COP1: variants seen among roughly 807,000 people sequenced by gnomAD.
COP1 encodes the protein COP1 E3 ubiquitin ligase.
A neutral mutation model predicts 101.3 loss-of-function variants in COP1; 24 were observed. That is an observed-to-expected ratio of 0.24 (90% CI 0.17 to 0.33). The LOEUF is 0.33. Ranked by LOEUF, COP1 falls within the 10% of genes least tolerant of loss-of-function variation. The probability of loss-of-function intolerance (pLI) is 1.00; values close to 1 mark genes in which losing one functional copy is unlikely to be tolerated. For synonymous variants in COP1, 347 were observed against 341.9 expected (o/e 1.01, Z -0.17); for missense variants, 663 against 906.2 (o/e 0.73, Z 3.45).
At chr1:176,065,854 C>T (rs776089328) in intron 11 of COP1, among the ~76,000 whole-genome samples, 4 of 151,896 alleles carry the variant, frequency 2.6e-5, no homozygotes, top group African/African-American at 4.8e-5. Flanking sequence ...ATTACAGGTG[C>T]GCACCACCAT....
chr1:176,085,871 T>C lies in COP1; in HGVS notation c.1046A>G (p.Tyr349Cys), dbSNP rs746236381. The C allele has an allele frequency of 8.1e-6, 13 of 1,595,464 alleles. No homozygotes were observed. The highest frequency in any genetic ancestry group is 6.7e-5 in the East Asian group (3 of 44,566). The change falls in exon 10 of 20, where the codon TAT becomes TGT. Residue 349 changes from tyrosine (Y) to cysteine (C), a missense_variant. Physicochemically the swap from Tyr to Cys is radical, Grantham distance 194. Around this residue, in one of 4 missense-constraint regions of COP1, gnomAD observed 212 missense variants for 240.7 expected, o/e 0.88. Transcript: ENST00000367669. ...GSSQTKKQPW[Y>C]NSTLASRRKR... ...TCGTCTTGATGCTAACGTGCTATTA[T>C]ACCAAGGCTGTTTCTTTGTCTAAAA...
intron 14 of COP1, among the ~76,000 whole-genome samples, chr1:176,031,120 C>A (rs1047929688): frequency 1.3e-5 from 2 of 152,162 alleles, no homozygotes; most frequent in Non-Finnish European, 2.9e-5. Context: ...TGCCAACAAT[C>A]TAATTTTGGG....
At chr1:176,115,406 C>T (rs1231654447) in intron 9 of COP1, among the ~76,000 whole-genome samples, 2 of 151,814 alleles carry the variant, frequency 1.3e-5, no homozygotes, top group Non-Finnish European at 2.9e-5. Flanking sequence ...GCCAAGATCA[C>T]ACCACTGCAC....
Position 176,002,806 on chromosome 1 carries a change from A to T in COP1, c.1730-13327T>A, listed in dbSNP as rs568856897. The stretch of plus-strand genomic sequence containing the variant: ...AGTCTTTGCTATTGTGAATAATGCC[A>T]CAATAAACATACGTGTGCATGTGTC... On this transcript the variant is annotated intron_variant, in intron 15 of 19. Transcript: ENST00000367669. 2.4e-3 allele frequency among the ~76,000 whole-genome samples: 362 copies of T among 150,668 alleles called. 2 individuals carry two copies. The highest frequency in any genetic ancestry group is 8.4e-3 in the African/African-American group (344 of 40,844).
At chr1:176,025,895 C>CA (rs200218769) in intron 15 of COP1, among the ~76,000 whole-genome samples, 224 of 147,770 alleles carry the variant, frequency 1.5e-3, no homozygotes, top group African/African-American at 4.9e-3. Flanking sequence ...ACAAAAAAAC[C>CA]AAAAAAAAAG....
chr1:176,070,792 T>G (rs1474198112), intron 11 of COP1, among the ~76,000 whole-genome samples: 2 of 152,128 alleles, frequency 1.3e-5, no homozygotes, highest in African/African-American at 2.4e-5. Flanking sequence ...GGACTACAGG[T>G]GCACACCACA....
chr1:176,087,118 T>C (rs1680341530), intron 9 of COP1, among the ~76,000 whole-genome samples: 1 of 152,168 alleles, frequency 6.6e-6, no homozygotes, highest in African/African-American at 2.4e-5. Flanking sequence ...TTAAGATGGA[T>C]TAAAGACTTA....
chr1:176,081,173 T>C lies in COP1; in HGVS notation c.1256A>G (p.Asn419Ser), dbSNP rs1180942548. The change falls in exon 11 of 20, where the codon AAT (asparagine) becomes AGT (serine). Residue 419 changes from asparagine to serine, a missense_variant. Asn to Ser is a conservative substitution (Grantham distance 46). Coordinates refer to ENST00000367669, the MANE Select transcript of COP1 (RefSeq NM_022457.7). ...TTACCTAGAGACTATACTGGAACCATTATAGAGATCACTAGCATATGACAA... is the reference window on the plus strand; with the variant it reads ...TTACCTAGAGACTATACTGGAACCACTATAGAGATCACTAGCATATGACAA... Reference protein sequence around the residue: ...ATLSYASDLYNGSSIVSSIEF... With the variant: ...ATLSYASDLYSGSSIVSSIEF... The C allele has an allele frequency of 1.2e-5, 20 of 1,606,382 alleles. No homozygotes were observed. Among genetic ancestry groups the C allele is most frequent in the Middle Eastern group, 1.6e-4 (1 of 6,064 alleles).
chr1:175,964,611 T>G (rs1396281976), intron 18 of COP1, among the ~76,000 whole-genome samples: 1 of 152,238 alleles, frequency 6.6e-6, no homozygotes. Flanking sequence ...TGTCCTATAA[T>G]CACTGAATTT....
intron 1 of COP1, among the ~76,000 whole-genome samples, chr1:176,199,815 G>A (rs975885695): frequency 3.9e-5 from 6 of 152,312 alleles, no homozygotes; most frequent in African/African-American, 1.4e-4. Flanking sequence ...TGAACTTTCT[G>A]GAAATGTATC....
At chr1:176,143,132 G>GAGAGAGAGAGAC (rs1206670580) in intron 6 of COP1, among the ~76,000 whole-genome samples, 1 of 148,954 alleles carries the variant, frequency 6.7e-6, no homozygotes, top group East Asian at 1.9e-4. Context: ...GCGAGAGAGA[G>GAGAGAGAGAGAC]AGAGAGCGAG....
intron 1 of COP1, among the ~76,000 whole-genome samples, chr1:176,202,664 T>C (rs791800): frequency 0.75 from 113,843 of 151,368 alleles, 44,708 homozygotes; most frequent in East Asian, 0.92. Context: ...GAGAGCCCTG[T>C]CTCAAAAAAA....
chr1:176,068,909 C>T (rs937950588), intron 11 of COP1, among the ~76,000 whole-genome samples: 4 of 152,180 alleles, frequency 2.6e-5, no homozygotes, highest in African/African-American at 9.7e-5. Context: ...CCACAAACTT[C>T]TGCAAGGAAT....
chr1:176,189,080 A>T (rs1450094025), intron 1 of COP1, among the ~76,000 whole-genome samples: 3 of 152,180 alleles, frequency 2.0e-5, no homozygotes, highest in Non-Finnish European at 4.4e-5. Context: ...TAACACGTAC[A>T]ATGCACTTTA....
rs897987332 is a variant in COP1 at position 175,975,019 on chromosome 1, T to A, written c.2133+11924A>T. On this transcript the variant is annotated intron_variant, in intron 18 of 19. Coordinates refer to ENST00000367669, the MANE Select transcript of COP1 (RefSeq NM_022457.7). ...AGAACCAAAATCTCATGCTCATTTT[T>A]AAAAAATATTGACAGCTGTCAGTAA... 3.3e-5 allele frequency among the ~76,000 whole-genome samples: 5 copies of A among 151,956 alleles called. No homozygotes were observed. The East Asian group carries it at 7.7e-4, about 24-fold the overall frequency.
At chr1:176,174,906 A>C (rs559341) in intron 3 of COP1, among the ~76,000 whole-genome samples, 131,341 of 152,120 alleles carry the variant, frequency 0.86, 58,780 homozygotes, top group Non-Finnish European at 0.98. Context: ...AGGTTTCCTA[A>C]AATATCTTAG....
intron 12 of COP1, 39 bp downstream of exon 12, chr1:176,046,142 C>T (rs754463961): frequency 1.3e-6 from 2 of 1,526,248 alleles, no homozygotes; most frequent in Non-Finnish European, 8.9e-7. Context: ...CAAATTGTTA[C>T]ATCTATACTG....
At chr1:176,123,884 A>G (rs1184125319) in intron 8 of COP1, among the ~76,000 whole-genome samples, 1 of 152,142 alleles carries the variant, frequency 6.6e-6, no homozygotes, top group Non-Finnish European at 1.5e-5. Context: ...TAATCTTCCC[A>G]TATTTTCTAA....
intron 18 of COP1, among the ~76,000 whole-genome samples, chr1:175,978,325 G>T (rs1437703234): frequency 6.6e-6 from 1 of 152,084 alleles, no homozygotes; most frequent in Non-Finnish European, 1.5e-5. Context: ...AATTTAAAAT[G>T]TCAACTAGCA....
Sources: allele counts gnomAD v4.1 joint callset (sites outside exome capture counted in the v4.1 genomes callset), GRCh38; gene constraint gnomAD v4.1.1; regional missense constraint gnomAD v4.1.1; transcripts MANE v1.5; gene names NCBI Gene and HGNC (gene_info 2026-07-23, HGNC 2026-07-21).